CSMD1: variants seen among roughly 807,000 people sequenced by gnomAD.
The protein encoded by CSMD1 is CUB and sushi domain-containing protein 1.
Under a neutral mutation model 417.5 loss-of-function variants are expected in CSMD1, and 213 were observed. The ratio of observed to expected loss-of-function variants is 0.51; its 90% CI spans 0.46 to 0.57. CSMD1 has a LOEUF of 0.57. Ranked by LOEUF, CSMD1 falls within the 20% of genes least tolerant of loss-of-function variation. CSMD1 has a pLI of 0.00. For missense variants in CSMD1, 6,923 were observed against 4,529.7 expected (o/e 1.53, Z -15.17); for synonymous variants, 2,862 against 1,736.8 (o/e 1.65, Z -16.11).
At chr8:3,350,328 A>T (rs1405483583) in intron 21 of CSMD1, among the ~76,000 whole-genome samples, 1 of 149,980 alleles carries the variant, frequency 6.7e-6, no homozygotes, top group Admixed American at 6.8e-5. Context: ...TAACTTGTGT[A>T]TGTGTGTGTT....
chr8:4,055,277 T>A (rs183857876), intron 3 of CSMD1, among the ~76,000 whole-genome samples: 1 of 152,292 alleles, frequency 6.6e-6, no homozygotes, highest in Admixed American at 6.5e-5. Context: ...ACAATTTTTG[T>A]ATTATTGTTT....
intron 3 of CSMD1, among the ~76,000 whole-genome samples, chr8:4,071,433 A>C (rs2552124): frequency 2.9e-4 from 44 of 152,052 alleles, no homozygotes; most frequent in African/African-American, 1.0e-3. Flanking sequence ...TTAATTATTC[A>C]TTTGATTTTC....
At chr8:3,988,394 G>C (rs538536487) in intron 5 of CSMD1, among the ~76,000 whole-genome samples, 3 of 152,270 alleles carry the variant, frequency 2.0e-5, no homozygotes, top group South Asian at 2.1e-4. Context: ...TATTATGAAT[G>C]ATAATTAGTT....
intron 6 of CSMD1, among the ~76,000 whole-genome samples, chr8:3,746,274 G>A (rs1466364946): frequency 6.6e-6 from 1 of 152,136 alleles, no homozygotes; most frequent in Non-Finnish European, 1.5e-5. Flanking sequence ...AATTTACGAA[G>A]GGATTGATAA....
chr8:4,154,056 G>A (rs1796703476), intron 3 of CSMD1, among the ~76,000 whole-genome samples: 2 of 152,126 alleles, frequency 1.3e-5, no homozygotes, highest in Non-Finnish European at 2.9e-5. Flanking sequence ...GTTTTCCTAA[G>A]GAGGTAATAA....
chr8:4,933,913 T>G (rs921945625), intron 1 of CSMD1, among the ~76,000 whole-genome samples: 4 of 152,220 alleles, frequency 2.6e-5, no homozygotes, highest in African/African-American at 9.6e-5. Context: ...TTTGTTACAT[T>G]TTTAAATTTC....
intron 3 of CSMD1, among the ~76,000 whole-genome samples, chr8:4,375,231 T>C (rs1268742076): frequency 6.6e-6 from 1 of 152,006 alleles, no homozygotes; most frequent in African/African-American, 2.4e-5. Context: ...GTTTGGATGG[T>C]CTTAGAATAC....
At chr8:3,756,226 G>A (rs1030418017) in intron 5 of CSMD1, among the ~76,000 whole-genome samples, 13 of 151,838 alleles carry the variant, frequency 8.6e-5, no homozygotes, top group Non-Finnish European at 1.2e-4. Context: ...GGTGGCGGGC[G>A]CCTGTAGTCC....
In CSMD1 at chr8:4,637,516, A is replaced by G. The variant is rs1802894351; in HGVS notation, c.128T>C (p.Ile43Thr). 4 of 1,613,930 alleles carry G rather than the reference A, an allele frequency of 2.5e-6. No homozygotes were observed. The highest frequency in any genetic ancestry group is 3.4e-6 in the Non-Finnish European group (4 of 1,179,878). ...CCCGTGAGGAAACCCTGGGCTCTCAATAGTGCCATTGGGACCCTGGACTAA... is the reference window on the plus strand; with the variant it reads ...CCCGTGAGGAAACCCTGGGCTCTCAGTAGTGCCATTGGGACCCTGGACTAA... ...GGLVQGPNGTIESPGFPHGYP... is the reference protein window; with the variant it reads ...GGLVQGPNGTTESPGFPHGYP... Residue 43 changes from isoleucine (I) to threonine (T), a missense_variant, in exon 2 of 70, where the codon ATT (isoleucine) becomes ACT (threonine). Physicochemically the swap from Ile to Thr is moderately conservative, Grantham distance 89. Coordinates refer to ENST00000635120, the MANE Select transcript of CSMD1 (RefSeq NM_033225.6).
At chr8:3,476,888 G>C (rs1278232423) in intron 11 of CSMD1, among the ~76,000 whole-genome samples, 2 of 134,110 alleles carry the variant, frequency 1.5e-5, no homozygotes, top group Non-Finnish European at 3.1e-5. Flanking sequence ...ACTGCACCCT[G>C]AGCAACAGAG....
At chr8:4,009,094 T>C (rs1816356591) in intron 4 of CSMD1, among the ~76,000 whole-genome samples, 1 of 152,192 alleles carries the variant, frequency 6.6e-6, no homozygotes, top group Admixed American at 6.5e-5. Flanking sequence ...GAAAATGTTG[T>C]GCAGTTAAAA....
intron 7 of CSMD1, among the ~76,000 whole-genome samples, chr8:3,636,542 T>C (rs1046524140): frequency 4.6e-5 from 7 of 152,228 alleles, no homozygotes; most frequent in African/African-American, 1.7e-4. Context: ...ACCTACCATC[T>C]GTTCCTGAGG....
chr8:3,361,651 CA>C (rs765648287), intron 20 of CSMD1, among the ~76,000 whole-genome samples: 13,616 of 78,750 alleles, frequency 0.17, 288 homozygotes, highest in South Asian at 0.28. Context: ...GATTCCATCT[CA>C]AAAAAAAAAA....
intron 41 of CSMD1, among the ~76,000 whole-genome samples, chr8:3,140,046 G>C (rs1818341730): frequency 6.6e-6 from 1 of 151,946 alleles, no homozygotes; most frequent in African/African-American, 2.4e-5. Context: ...GGGATTACAG[G>C]CGCCTGCCAT....
At chr8:4,501,534 C>A (rs1209773985) in intron 2 of CSMD1, among the ~76,000 whole-genome samples, 1 of 152,142 alleles carries the variant, frequency 6.6e-6, no homozygotes, top group Non-Finnish European at 1.5e-5. Context: ...TCTGTGGTTT[C>A]AGTTACCTAA....
At position 3,408,217 on chromosome 8, in the gene CSMD1, A is replaced by T. The variant is rs1159149587; in HGVS notation, c.1753T>A (p.Phe585Ile). 6.3e-7 allele frequency: 1 copy of T among 1,599,098 alleles called. No homozygotes were observed. The highest frequency in any genetic ancestry group is 8.5e-7 in the Non-Finnish European group (1 of 1,170,762). Residue 585 changes from phenylalanine (F) to isoleucine (I), a missense_variant, in exon 14 of 70, where the codon TTC (phenylalanine) becomes ATC (isoleucine). Coordinates refer to ENST00000635120, the MANE Select transcript of CSMD1 (RefSeq NM_033225.6). The stretch of plus-strand genomic sequence containing the variant: ...CCAGATGATGCCGTAAAGTTGAAGA[A>T]ACATGAAACTGTGAAGATGCAAATA... ...GNKPSCVFSCFFNFTASSGII... is the reference protein window; with the variant it reads ...GNKPSCVFSCIFNFTASSGII...
At chr8:4,297,172 A>T (rs550878227) in intron 3 of CSMD1, among the ~76,000 whole-genome samples, 1 of 152,280 alleles carries the variant, frequency 6.6e-6, no homozygotes, top group Non-Finnish European at 1.5e-5. Flanking sequence ...TCATGAATAT[A>T]CTTTTACAAT....
intron 3 of CSMD1, among the ~76,000 whole-genome samples, chr8:4,259,147 A>C (rs1274164959): frequency 6.6e-6 from 1 of 152,176 alleles, no homozygotes; most frequent in African/African-American, 2.4e-5. Flanking sequence ...CCTACCTCCA[A>C]ACTATCTCAC....
At chr8:4,360,122 C>A (rs572045937) in intron 3 of CSMD1, among the ~76,000 whole-genome samples, 1 of 152,122 alleles carries the variant, frequency 6.6e-6, no homozygotes, top group East Asian at 1.9e-4. Context: ...TTCCTCTCTG[C>A]AGGTTTGGCT....
Sources: allele counts gnomAD v4.1 joint callset (sites outside exome capture counted in the v4.1 genomes callset), GRCh38; gene constraint gnomAD v4.1.1; transcripts MANE v1.5; gene names NCBI Gene and HGNC (gene_info 2026-07-23, HGNC 2026-07-21).